MIDN: variants seen among roughly 807,000 people sequenced by gnomAD.
MIDN encodes midbrain nucleolar protein.
Under a neutral mutation model 46.1 loss-of-function variants are expected in MIDN, and 26 were observed. The ratio of observed to expected loss-of-function variants is 0.56; its 90% CI spans 0.41 to 0.78. The LOEUF is 0.78. Among genes scored for constraint, MIDN ranks in the 30% least tolerant of loss-of-function variants. The probability of loss-of-function intolerance (pLI) is 0.00; values close to 1 mark genes in which losing one functional copy is unlikely to be tolerated. For synonymous variants in MIDN, 432 were observed against 343.3 expected, an observed-to-expected ratio of 1.26 and a Z score of -2.86; for missense variants, 850 against 771.8, an observed-to-expected ratio of 1.10 and a Z score of -1.20.
chr19:1,253,924 C>T (rs1361553560), intron 4 of MIDN, 30 bp from the exon 5 acceptor site: 24 of 1,373,114 alleles, frequency 1.7e-5, no homozygotes, highest in Middle Eastern at 2.7e-4. Flanking sequence ...GAGGGGCAGG[C>T]CCCCGTCTGA....
rs552591264 is a variant in MIDN, at chr19:1,257,218, C to G, written c.1482C>G (p.Ser494=). 4 of 1,612,180 alleles carry G rather than the reference C, an allele frequency of 2.5e-6. No individual in the cohort carries two copies. In the East Asian group the frequency reaches 8.9e-5, roughly 36 times the overall value. Residue 494 remains serine (S), a synonymous_variant, in exon 9 of 9, where the codon TCC becomes TCG. Transcript: ENST00000682408. The part of the protein sequence containing the change: ...ASGLGLDFED[S]VWKPEVNPDI... ...GCTTGGGCCTCGACTTCGAGGACTC[C>G]GTGTGGAAGCCAGAAGTCAACCCTG... is the stretch of plus-strand genomic sequence containing the variant.
chr19:1,250,413 G>C lies in MIDN; in HGVS notation c.117G>C (p.Thr39=), dbSNP rs1372634541. Residue 39 remains threonine, a synonymous_variant, in exon 2 of 9, where the codon ACG becomes ACC. Coordinates refer to ENST00000682408, the MANE Select transcript of MIDN (RefSeq NM_001388306.1). ...TGAGCCTCGCCATCCACAGCACCAC[G>C]GGCACCCGCTACGACCTGGCCGTGC... The part of the protein sequence containing the change: ...APMSLAIHST[T]GTRYDLAVPP... 4 of 1,347,200 alleles carry C rather than the reference G, an allele frequency of 3.0e-6. No homozygotes were observed. Among genetic ancestry groups the C allele is most frequent in the Non-Finnish European group, 3.9e-6 (4 of 1,028,214 alleles). The allele number at this position is 1,347,200 out of a possible 1,614,324, so 83.5% of individuals were successfully genotyped here.
intron 6 of MIDN, 24 bp downstream of exon 6, chr19:1,254,502 G>A (rs895875555): frequency 6.5e-7 from 1 of 1,539,172 alleles, no homozygotes; most frequent in Non-Finnish European, 8.7e-7. Context: ...AGGGAAGGGT[G>A]ACCCTTGGTT....
At chr19:1,248,893 T>C (rs1182348426) in intron 1 of MIDN, among the ~76,000 whole-genome samples, 9 of 151,560 alleles carry the variant, frequency 5.9e-5, no homozygotes, top group African/African-American at 2.4e-5. Flanking sequence ...CGGGTGACCT[T>C]GAACTGGTTG....
In MIDN at chr19:1,257,504, T is replaced by C. The variant is rs1034155062; in HGVS notation, c.*232T>C. 2 of 478,528 alleles carry C rather than the reference T, an allele frequency of 4.2e-6. No individual in the cohort carries two copies. The highest frequency in any genetic ancestry group is 7.2e-6 in the Non-Finnish European group (2 of 276,300). The allele number at this position is 478,528 out of a possible 1,614,324, so 29.6% of individuals were successfully genotyped here. On this transcript the variant is annotated 3_prime_UTR_variant, in exon 9 of 9. Coordinates refer to ENST00000682408, the MANE Select transcript of MIDN (RefSeq NM_001388306.1). ...GCTTCCTACCTCCTTCACCCTTCACTCCTGCCCTCCTCTTCCTCCTCCTCC... is the reference window on the plus strand; with the variant it reads ...GCTTCCTACCTCCTTCACCCTTCACCCCTGCCCTCCTCTTCCTCCTCCTCC...
chr19:1,254,800 G>A (rs1487145320), intron 6 of MIDN, 102 bp from the exon 7 acceptor site: 1 of 1,347,248 alleles, frequency 7.4e-7, no homozygotes, highest in African/African-American at 1.5e-5. Flanking sequence ...TGTGTTGACA[G>A]GTCATCTCCT....
rs1444273546 is a variant in MIDN, at chr19:1,250,552, C to T, written c.233+23C>T. ...CACGTAGGTACCGCGCGCCCCCGGC[C>T]GGCCGCCCCCTCGGGCCCCGGCCCC... On this transcript the variant is annotated intron_variant, in intron 2 of 8. Coordinates refer to ENST00000682408, the MANE Select transcript of MIDN (RefSeq NM_001388306.1). 5.2e-6 allele frequency: 6 copies of T among 1,161,058 alleles called. 1 individual carries two copies. Among genetic ancestry groups the T allele is most frequent in the African/African-American group, 4.9e-5 (3 of 61,010 alleles). The allele number at this position is 1,161,058 out of a possible 1,614,324, so 71.9% of individuals were successfully genotyped here.
chr19:1,257,356 A>G lies in MIDN; in HGVS notation c.*84A>G, dbSNP rs1024148888. ...GAGAGCCCCGGAGAGAACGTGGCCC[A>G]GCCCTGGAGGGCAGGCGGCCACTCC... On this transcript the variant is annotated 3_prime_UTR_variant, in exon 9 of 9. Coordinates refer to ENST00000682408, the MANE Select transcript of MIDN (RefSeq NM_001388306.1). The G allele has an allele frequency of 1.5e-5, 17 of 1,145,710 alleles. No homozygotes were observed. In the East Asian group the frequency reaches 4.2e-4, roughly 28 times the overall value. 71.0% of individuals were successfully genotyped at this position (1,145,710 alleles called of 1,614,324 possible).
chr19:1,251,523 G>C, intron 2 of MIDN, 39 bp from the exon 3 acceptor site: 6 of 1,588,984 alleles, frequency 3.8e-6, no homozygotes, highest in Non-Finnish European at 5.1e-6. Flanking sequence ...TCCCTGTGTC[G>C]TCTCCGCGGA....
chr19:1,253,330 C>T (rs888025080), intron 4 of MIDN, among the ~76,000 whole-genome samples: 2 of 152,106 alleles, frequency 1.3e-5, no homozygotes, highest in Non-Finnish European at 2.9e-5. Flanking sequence ...ACGCCAGCTA[C>T]TGCCAGTGGA....
chr19:1,254,359 C>T lies in MIDN; in HGVS notation c.706C>T (p.Arg236Trp), dbSNP rs753752976. Reference protein sequence around the residue: ...SIASPVSSPCRPVSSAARVPP... With the variant: ...SIASPVSSPCWPVSSAARVPP... ...AGCCTCCCCCGTGTCCTCGCCCTGC[C>T]GGCCGGTGTCCAGTGCCGCCCGAGT... Residue 236 changes from arginine to tryptophan, a missense_variant, in exon 6 of 9, where the codon CGG (arginine) becomes TGG (tryptophan). By Grantham distance (101) the Arg-to-Trp change is moderately radical (BLOSUM62 -3). Coordinates refer to ENST00000682408, the MANE Select transcript of MIDN (RefSeq NM_001388306.1). 1.5e-5 allele frequency: 23 copies of T among 1,561,592 alleles called. No individual in the cohort carries two copies. The Admixed American group carries it at 2.2e-4, about 15-fold the overall frequency.
chr19:1,254,106 C>CGGGCT (rs988923700), intron 5 of MIDN, 24 bp downstream of exon 5: 6 of 1,542,006 alleles, frequency 3.9e-6, no homozygotes, highest in Non-Finnish European at 5.2e-6. Context: ...GGGACTGGGC[C>CGGGCT]GGGCTGGGCT....
chr19:1,256,775 C>A (rs1332774634), intron 8 of MIDN, among the ~76,000 whole-genome samples: 2 of 152,192 alleles, frequency 1.3e-5, no homozygotes, highest in African/African-American at 4.8e-5. Flanking sequence ...CTCCTGAGCT[C>A]AAGCGATTCT....
chr19:1,254,253 G>A lies in MIDN; in HGVS notation c.600G>A (p.Ala200=), dbSNP rs777783170. Residue 200 remains alanine, a synonymous_variant, in exon 6 of 9, where the codon GCG becomes GCA. Coordinates refer to ENST00000682408, the MANE Select transcript of MIDN (RefSeq NM_001388306.1). ...DHMMFVQLQL[A]AQHAPLQHRH... is the part of the protein sequence containing the mutation. ...TGATGTTCGTGCAGCTGCAGCTCGC[G>A]GCCCAGCACGCTCCACTGCAACACC... The A allele has an allele frequency of 1.1e-5, 17 of 1,589,712 alleles. No homozygotes were observed. Among genetic ancestry groups the A allele is most frequent in the Middle Eastern group, 1.7e-4 (1 of 6,010 alleles).
In MIDN at chr19:1,250,233, G is replaced by C; in HGVS notation, c.-64G>C. 3 of 736,848 alleles carry C rather than the reference G, an allele frequency of 4.1e-6. No individual in the cohort carries two copies. Among genetic ancestry groups the C allele is most frequent in the Non-Finnish European group, 5.0e-6 (3 of 603,234 alleles). 45.6% of individuals were successfully genotyped at this position (736,848 alleles called of 1,614,324 possible). ...GGCATCCGGGGAGCCTCTCGCCCCT[G>C]TCCCGGAGGCGCGGCGAGGATTGGC... On this transcript the variant is annotated 5_prime_UTR_variant, in exon 2 of 9. Coordinates refer to ENST00000682408, the MANE Select transcript of MIDN (RefSeq NM_001388306.1).
At chr19:1,255,341 T>G in intron 7 of MIDN, 81 bp from the exon 8 acceptor site, 83 of 1,460,792 alleles carry the variant, frequency 5.7e-5, no homozygotes, top group Non-Finnish European at 6.9e-5. Flanking sequence ...CCTGAGCTCA[T>G]GAGCTCACAC....
At chr19:1,254,755 A>G (rs2081176900) in intron 6 of MIDN, 147 bp from the exon 7 acceptor site, 1 of 981,078 alleles carries the variant, frequency 1.0e-6, no homozygotes, top group Admixed American at 2.3e-5. Context: ...GTTGGTTGTG[A>G]CCTCGTGACC....
intron 8 of MIDN, among the ~76,000 whole-genome samples, chr19:1,256,575 G>T (rs1014062318): frequency 2.6e-5 from 4 of 151,766 alleles, no homozygotes; most frequent in Non-Finnish European, 5.9e-5. Flanking sequence ...ACTCCAGGAA[G>T]AATGAGGCAG....
intron 2 of MIDN, chr19:1,251,224 G>A (rs2081123632): frequency 1.4e-5 from 4 of 285,204 alleles, no homozygotes; most frequent in Non-Finnish European, 2.7e-5. Flanking sequence ...AGGGAATTGG[G>A]GGCAGGGGCT....
Sources: allele counts gnomAD v4.1 joint callset (sites outside exome capture counted in the v4.1 genomes callset), GRCh38; gene constraint gnomAD v4.1.1; transcripts MANE v1.5; gene names NCBI Gene and HGNC (gene_info 2026-07-23, HGNC 2026-07-21).